PRKN: variants seen among roughly 807,000 people sequenced by gnomAD.
PRKN encodes the protein parkin RBR E3 ubiquitin protein ligase, also known as E3 ubiquitin-protein ligase parkin.
In PRKN, 56 loss-of-function variants were observed where a neutral mutation model predicts 59.5. That is an observed-to-expected ratio of 0.94 (90% CI 0.76 to 1.18). The LOEUF (loss-of-function observed/expected upper bound fraction) is 1.18, where lower values mean the gene tolerates loss of function less well. PRKN is among the 50% of genes most tolerant of loss of function. The pLI, the probability that PRKN is intolerant of heterozygous loss-of-function variation, is 0.00. For synonymous variants in PRKN, 250 were observed against 222.1 expected, an observed-to-expected ratio of 1.13 and a Z score of -1.12; for missense variants, 657 against 596.4, an observed-to-expected ratio of 1.10 and a Z score of -1.06.
chr6:162,646,518 A>G lies in PRKN; in HGVS notation c.7+81144T>C, dbSNP rs549573086. 4.6e-5 allele frequency among the ~76,000 whole-genome samples: 7 copies of G among 152,132 alleles called. No homozygotes were observed. In the South Asian group the frequency reaches 1.5e-3, roughly 32 times the overall value. On this transcript the variant is annotated intron_variant, in intron 1 of 11. Coordinates refer to ENST00000366898, the MANE Select transcript of PRKN (RefSeq NM_004562.3). ...AGGCTGGTCTCAAACTCCTGGCCTC[A>G]AGCAATTCTCCCACTTTGGCCTCCC... is the stretch of plus-strand genomic sequence containing the variant.
intron 1 of PRKN, among the ~76,000 whole-genome samples, chr6:162,529,566 A>C (rs1374414642): frequency 6.6e-6 from 1 of 152,180 alleles, no homozygotes; most frequent in Admixed American, 6.5e-5. Context: ...GAGGAAGCTG[A>C]GCTGACCCAT....
chr6:161,424,921 T>G (rs542164799), intron 9 of PRKN, among the ~76,000 whole-genome samples: 2 of 152,276 alleles, frequency 1.3e-5, no homozygotes, highest in East Asian at 3.9e-4. Flanking sequence ...TAGTTAAATG[T>G]GCTCTGAAAA....
At chr6:162,441,171 A>T (rs1169176994) in intron 2 of PRKN, among the ~76,000 whole-genome samples, 1 of 152,098 alleles carries the variant, frequency 6.6e-6, no homozygotes, top group Non-Finnish European at 1.5e-5. Context: ...TCATGTTGGA[A>T]CAATGCAGCA....
intron 7 of PRKN, among the ~76,000 whole-genome samples, chr6:161,594,228 A>G (rs1781833400): frequency 6.6e-6 from 1 of 152,160 alleles, no homozygotes; most frequent in Non-Finnish European, 1.5e-5. Flanking sequence ...AAATCAATTT[A>G]ACACTCTTCA....
At chr6:162,543,097 A>C (rs189644255) in intron 1 of PRKN, among the ~76,000 whole-genome samples, 3 of 152,190 alleles carry the variant, frequency 2.0e-5, no homozygotes, top group Non-Finnish European at 4.4e-5. Context: ...CTCTAAATTA[A>C]ACATGTCCAC....
intron 7 of PRKN, among the ~76,000 whole-genome samples, chr6:161,743,852 A>G (rs147586927): frequency 6.6e-6 from 1 of 152,316 alleles, no homozygotes; most frequent in East Asian, 1.9e-4. Context: ...AAGTCTGGTC[A>G]ATTCTGTTGG....
intron 4 of PRKN, among the ~76,000 whole-genome samples, chr6:162,190,936 GATA>G (rs1316291765): frequency 1.3e-5 from 2 of 152,268 alleles, no homozygotes; most frequent in South Asian, 2.1e-4. Flanking sequence ...TGCTCAAACG[GATA>G]ATATGTCAGT....
chr6:162,293,597 C>T (rs1304901716), intron 2 of PRKN, among the ~76,000 whole-genome samples: 1 of 152,164 alleles, frequency 6.6e-6, no homozygotes, highest in Non-Finnish European at 1.5e-5. Context: ...AGTGCTCTTC[C>T]TCCACCTCAA....
chr6:162,180,379 C>T (rs1053744654), intron 4 of PRKN, among the ~76,000 whole-genome samples: 1 of 152,076 alleles, frequency 6.6e-6, no homozygotes, highest in Non-Finnish European at 1.5e-5. Flanking sequence ...ACATTGCATG[C>T]CTGAATCAAA....
chr6:162,260,294 T>A (rs1352341870), intron 3 of PRKN, among the ~76,000 whole-genome samples: 1 of 152,062 alleles, frequency 6.6e-6, no homozygotes, highest in Non-Finnish European at 1.5e-5. Flanking sequence ...GAGTGGAAAG[T>A]CAAGGTGAAA....
intron 4 of PRKN, among the ~76,000 whole-genome samples, chr6:162,166,819 T>C (rs1049735432): frequency 6.6e-6 from 1 of 151,986 alleles, no homozygotes. Context: ...CACAATTCTA[T>C]GAGACATTCT....
chr6:162,500,540 T>A (rs1178717843), intron 1 of PRKN, among the ~76,000 whole-genome samples: 1 of 152,200 alleles, frequency 6.6e-6, no homozygotes, highest in Non-Finnish European at 1.5e-5. Flanking sequence ...ACGGACGGAA[T>A]GAGTATTCTC....
chr6:162,365,299 C>T (rs1420822057), intron 2 of PRKN, among the ~76,000 whole-genome samples: 1 of 152,066 alleles, frequency 6.6e-6, no homozygotes, highest in Non-Finnish European at 1.5e-5. Context: ...GCATGATTCA[C>T]ATTCTTCCAT....
intron 1 of PRKN, among the ~76,000 whole-genome samples, chr6:162,681,658 C>T (rs1013257764): frequency 6.6e-6 from 1 of 152,116 alleles, no homozygotes; most frequent in African/African-American, 2.4e-5. Flanking sequence ...AAACTTTAGC[C>T]TCTGATTGAT....
At position 161,386,944 on chromosome 6, in the gene PRKN, T is replaced by G. The variant is rs1786280853; in HGVS notation, c.1084-67A>C. 7.9e-7 allele frequency: 1 copy of G among 1,260,550 alleles called. No homozygotes were observed. The highest frequency in any genetic ancestry group is 1.7e-5 in the Admixed American group (1 of 59,402). The allele number at this position is 1,260,550 out of a possible 1,614,324, so 78.1% of individuals were successfully genotyped here. A position where few individuals can be genotyped will look rare whatever the true frequency, so the allele number is the denominator to read the frequency against. On this transcript the variant is annotated intron_variant, in intron 9 of 11. Coordinates refer to ENST00000366898, the MANE Select transcript of PRKN (RefSeq NM_004562.3). This position sits in a 1 kb window ranked among gnomAD's most constrained non-coding sequence, Gnocchi z 4.3. ...GCATTTGGCAATAACACATTTTTCC[T>G]TTTCCAAATTCATTATATTCATTCC... is the stretch of plus-strand genomic sequence containing the variant.
chr6:161,943,759 GCCTGAGGGATCAGCCTAAGGAAACAC>G (rs1253128884), intron 6 of PRKN, among the ~76,000 whole-genome samples: 3 of 151,136 alleles, frequency 2.0e-5, no homozygotes, highest in African/African-American at 2.4e-5. Flanking sequence ...TGAGGAAGCA[GCCTGAGGGATCAGCCTAAGGAAACAC>G]CCTGAGGGAT....
At chr6:161,891,731 C>A (rs903632639) in intron 6 of PRKN, among the ~76,000 whole-genome samples, 1 of 152,156 alleles carries the variant, frequency 6.6e-6, no homozygotes, top group African/African-American at 2.4e-5. Flanking sequence ...CTGACATCAT[C>A]TAGGTTTTTC....
intron 1 of PRKN, among the ~76,000 whole-genome samples, chr6:162,628,284 T>C (rs979982237): frequency 2.6e-5 from 4 of 152,216 alleles, no homozygotes; most frequent in Non-Finnish European, 4.4e-5. Context: ...CTGTATGACC[T>C]AAAGATGGAT....
intron 1 of PRKN, among the ~76,000 whole-genome samples, chr6:162,658,658 C>CAAAAAAAA (rs57853171): frequency 2.7e-5 from 3 of 109,102 alleles, no homozygotes; most frequent in Non-Finnish European, 3.7e-5. Flanking sequence ...GAGACTCTGT[C>CAAAAAAAA]AAAAAAAAAA....
Sources: gnomAD v4.1 joint callset for allele counts (sites outside exome capture counted in the v4.1 genomes callset) on GRCh38, gnomAD v4.1.1 for gene constraint, Gnocchi (gnomAD v3.1) non-coding constraint, MANE v1.5 for transcripts, NCBI Gene and HGNC (gene_info 2026-07-23, HGNC 2026-07-21) for gene names.